Variants in PCDHA11 observed in about 807,000 individuals in gnomAD.
The protein encoded by PCDHA11 is protocadherin alpha 11, also known as protocadherin alpha-11.
A neutral mutation model predicts 70.3 loss-of-function variants in PCDHA11; 61 were observed. That is an observed-to-expected ratio of 0.87 (90% CI 0.71 to 1.07). PCDHA11 has a LOEUF of 1.07. Among genes scored for constraint, PCDHA11 ranks in the 50% least tolerant of loss-of-function variants. PCDHA11 has a pLI of 0.00. For missense variants in PCDHA11, 1,324 were observed against 1,237.5 expected (o/e 1.07, Z -1.05); for synonymous variants, 633 against 555.1 (o/e 1.14, Z -1.97).
rs782647681 is a variant in PCDHA11, at chr5:140,871,183, G to A, written c.2080G>A (p.Asp694Asn). 2 of 1,613,586 alleles carry A rather than the reference G, an allele frequency of 1.2e-6. No individual in the cohort carries two copies. Among genetic ancestry groups the A allele is most frequent in the South Asian group, 2.2e-5 (2 of 91,086 alleles). The change falls in exon 1 of 4, where the codon GAT (aspartate) becomes AAT (asparagine). Residue 694 changes from aspartate (D) to asparagine (N), a missense_variant. Coordinates refer to ENST00000398640, the MANE Select transcript of PCDHA11 (RefSeq NM_018902.5). ...CGCGAGCCCAGAGGCTGCGCTGGTGGATGTCAACGTGTACCTGATCATCGC... is the reference window on the plus strand; with the variant it reads ...CGCGAGCCCAGAGGCTGCGCTGGTGAATGTCAACGTGTACCTGATCATCGC... ...GAASPEAALVDVNVYLIIAIC... is the reference protein window; with the variant it reads ...GAASPEAALVNVNVYLIIAIC...
chr5:140,869,511 A>C lies in PCDHA11; in HGVS notation c.408A>C (p.Arg136Ser). Residue 136 changes from arginine to serine, a missense_variant, in exon 1 of 4, where the codon AGA becomes AGC. Arg to Ser is a moderately radical substitution (Grantham distance 110, BLOSUM62 -1). Transcript: ENST00000398640. ...ACAACCCGCCGGTGTTCTCGCTCAG[A>C]GAACAAAAGCTGCTGATTGCGGAAT... Reference protein sequence around the residue: ...INDNPPVFSLREQKLLIAESK... With the variant: ...INDNPPVFSLSEQKLLIAESK... 6.2e-7 allele frequency: 1 copy of C among 1,614,194 alleles called. No homozygotes were observed. The highest frequency in any genetic ancestry group is 8.5e-7 in the Non-Finnish European group (1 of 1,180,032).
chr5:140,992,470 G>T (rs1027762445), intron 3 of PCDHA11, among the ~76,000 whole-genome samples: 2 of 152,192 alleles, frequency 1.3e-5, no homozygotes, highest in African/African-American at 4.8e-5. Context: ...GTACTCTTTA[G>T]ATCACCCAGA....
chr5:140,990,825 AAGCCTATTAGCAAAAATAG>A (rs2097418390), intron 3 of PCDHA11, among the ~76,000 whole-genome samples: 1 of 152,202 alleles, frequency 6.6e-6, no homozygotes, highest in Non-Finnish European at 1.5e-5. Flanking sequence ...CTCTCAGCTA[AAGCCTATTAGCAAAAATAG>A]AGCCCTGAGG....
intron 1 of PCDHA11, among the ~76,000 whole-genome samples, chr5:140,915,626 G>GTTTCTC (rs149393620): frequency 6.8e-6 from 1 of 146,436 alleles, no homozygotes; most frequent in African/African-American, 2.5e-5. Context: ...GTCTCTTTCT[G>GTTTCTC]TCTCTCTCTC....
rs75087916 is a variant in PCDHA11, at chr5:140,963,063, T to G, written c.2392-15886T>G. Among the ~76,000 whole-genome samples, 783 of 152,260 alleles carry G rather than the reference T, an allele frequency of 5.1e-3. 9 individuals carry two copies. Among genetic ancestry groups the G allele is most frequent in the African/African-American group, 0.018 (742 of 41,556 alleles). ...AGAGTCTATAAGGGTTTCTACATTGTGAAGGAGACAGAAATATAAGACATG... is the reference window on the plus strand; with the variant it reads ...AGAGTCTATAAGGGTTTCTACATTGGGAAGGAGACAGAAATATAAGACATG... On this transcript the variant is annotated intron_variant, in intron 1 of 3. Transcript: ENST00000398640.
chr5:140,879,671 G>T (rs1442617511), intron 1 of PCDHA11, among the ~76,000 whole-genome samples: 3 of 152,210 alleles, frequency 2.0e-5, no homozygotes, highest in Admixed American at 1.3e-4. Context: ...AACACAAACT[G>T]GGTGCTGTAA....
At chr5:140,975,343 A>G (rs997568363) in intron 1 of PCDHA11, among the ~76,000 whole-genome samples, 1 of 152,224 alleles carries the variant, frequency 6.6e-6, no homozygotes, top group Middle Eastern at 3.2e-3. Context: ...TCCCTTTCTT[A>G]AAGCCAACTG....
At chr5:140,923,071 C>T (rs1319984584) in intron 1 of PCDHA11, among the ~76,000 whole-genome samples, 2 of 152,202 alleles carry the variant, frequency 1.3e-5, no homozygotes, top group Non-Finnish European at 2.9e-5. Context: ...TAGGTCTCCT[C>T]ATGTCAGCAC....
At chr5:140,962,170 C>T (rs1326323755) in intron 1 of PCDHA11, among the ~76,000 whole-genome samples, 6 of 152,194 alleles carry the variant, frequency 3.9e-5, no homozygotes, top group South Asian at 4.1e-4. Context: ...CCACCACACC[C>T]GGCCACTTAT....
intron 1 of PCDHA11, chr5:140,968,436 C>T (rs1479503016): frequency 3.1e-6 from 5 of 1,613,876 alleles, no homozygotes; most frequent in Non-Finnish European, 3.4e-6. Context: ...AAGGGGAGCC[C>T]ACCACTGAGC....
chr5:140,995,993 A>G (rs1017469411), intron 3 of PCDHA11, among the ~76,000 whole-genome samples: 16 of 152,226 alleles, frequency 1.1e-4, no homozygotes, highest in Non-Finnish European at 1.8e-4. Context: ...GCCACTCAAA[A>G]ATGTCGTCAG....
chr5:140,903,958 T>G (rs960235173), intron 1 of PCDHA11, among the ~76,000 whole-genome samples: 1 of 152,236 alleles, frequency 6.6e-6, no homozygotes, highest in Non-Finnish European at 1.5e-5. Context: ...GAAAATTATT[T>G]GTTGATTTTT....
chr5:140,941,214 C>CTTCTTTCTTT (rs1554214039), intron 1 of PCDHA11, among the ~76,000 whole-genome samples: 1 of 122,414 alleles, frequency 8.2e-6, no homozygotes, highest in Admixed American at 8.5e-5. Context: ...TTTCTTTCTT[C>CTTCTTTCTTT]CTTTCTTTCT....
At chr5:140,906,487 CA>C (rs1346198597) in intron 1 of PCDHA11, among the ~76,000 whole-genome samples, 1 of 152,180 alleles carries the variant, frequency 6.6e-6, no homozygotes, top group Non-Finnish European at 1.5e-5. Context: ...TATAAATGCA[CA>C]AACATGTTTT....
intron 1 of PCDHA11, chr5:140,969,441 G>T (rs1554231808): frequency 1.9e-6 from 3 of 1,543,640 alleles, no homozygotes; most frequent in Non-Finnish European, 2.6e-6. Flanking sequence ...GAGTTATCTG[G>T]TAAACTGAGT....
chr5:140,917,370 C>G (rs571895312), intron 1 of PCDHA11, among the ~76,000 whole-genome samples: 24 of 150,458 alleles, frequency 1.6e-4, no homozygotes, highest in African/African-American at 5.8e-4. Context: ...CTATCTTGCT[C>G]CACCTCAATA....
chr5:140,902,530 G>A (rs569387885), intron 1 of PCDHA11, among the ~76,000 whole-genome samples: 11 of 152,144 alleles, frequency 7.2e-5, no homozygotes, highest in African/African-American at 2.7e-4. Flanking sequence ...TTATTATGTT[G>A]AGGTATGTTC....
intron 3 of PCDHA11, among the ~76,000 whole-genome samples, chr5:141,007,395 C>CAAAAAAAAAAAAAAA (rs35800918): frequency 2.1e-5 from 2 of 94,866 alleles, no homozygotes; most frequent in Non-Finnish European, 2.1e-5. Context: ...TACTAAAATA[C>CAAAAAAAAAAAAAAA]AAAAAAAAAA....
intron 1 of PCDHA11, among the ~76,000 whole-genome samples, chr5:140,952,031 A>G (rs782611414): frequency 1.6e-4 from 24 of 152,232 alleles, no homozygotes; most frequent in Admixed American, 4.6e-4. Context: ...TCCGAAATCC[A>G]GTAGGGCAGT....
Sources: gnomAD v4.1 joint callset for allele counts (sites outside exome capture counted in the v4.1 genomes callset) on GRCh38, gnomAD v4.1.1 for gene constraint, MANE v1.5 for transcripts, NCBI Gene and HGNC (gene_info 2026-07-23, HGNC 2026-07-21) for gene names.